L3MBTL2: variants seen among roughly 807,000 people sequenced by gnomAD.
L3MBTL2 encodes L3MBTL histone methyl-lysine binding protein 2.
A neutral mutation model predicts 86.4 loss-of-function variants in L3MBTL2; 49 were observed. The ratio of observed to expected loss-of-function variants is 0.57; its 90% CI spans 0.45 to 0.72. L3MBTL2 has a LOEUF of 0.72. Ranked by LOEUF, L3MBTL2 falls within the 30% of genes least tolerant of loss-of-function variation. L3MBTL2 has a pLI of 0.00. For missense variants in L3MBTL2, 755 were observed against 923.7 expected (o/e 0.82, Z 2.37); for synonymous variants, 336 against 350.6 (o/e 0.96, Z 0.47).
At chr22:41,226,031 C>T (rs1345371910) in intron 12 of L3MBTL2, 90 bp downstream of exon 12, 24 of 1,434,468 alleles carry the variant, frequency 1.7e-5, no homozygotes, top group Non-Finnish European at 2.0e-5. Context: ...AATCCTAGCA[C>T]TTTGGGAGGC....
intron 2 of L3MBTL2, among the ~76,000 whole-genome samples, chr22:41,210,218 C>T (rs1019982500): frequency 6.9e-6 from 1 of 145,444 alleles, no homozygotes; most frequent in Non-Finnish European, 1.5e-5. Flanking sequence ...GGCATGATCT[C>T]GGCTCACTGC....
intron 2 of L3MBTL2, among the ~76,000 whole-genome samples, chr22:41,211,856 CTTTTTT>C (rs35869187): frequency 4.4e-5 from 3 of 67,904 alleles, no homozygotes; most frequent in African/African-American, 7.4e-5. Flanking sequence ...CGCACCCGGC[CTTTTTT>C]TTTTTTTTTT....
In L3MBTL2 at chr22:41,227,502, T is replaced by C. The variant is rs2032269187; in HGVS notation, c.1822+179T>C. On this transcript the variant is annotated intron_variant, in intron 14 of 16. Transcript: ENST00000216237. This position sits in a 1 kb window ranked among gnomAD's most constrained non-coding sequence, Gnocchi z 6.0. The stretch of plus-strand genomic sequence containing the variant: ...CTGCTCCTGACTTCTCTGTCTCCCT[T>C]TCCCTCTGGCCTGCAGAGCTCCTTC... The C allele has an allele frequency of 1.5e-6, 2 of 1,340,324 alleles. No individual in the cohort carries two copies. The highest frequency in any genetic ancestry group is 2.9e-5 in the African/African-American group (2 of 68,878). 83.0% of individuals were successfully genotyped at this position (1,340,324 alleles called of 1,614,324 possible). A position where few individuals can be genotyped will look rare whatever the true frequency, so the allele number is the denominator to read the frequency against.
At chr22:41,219,201 C>T (rs2031628011) in intron 5 of L3MBTL2, 3 of 466,460 alleles carry the variant, frequency 6.4e-6, no homozygotes, top group Middle Eastern at 6.3e-4. Flanking sequence ...GGGTCTCTAG[C>T]CATCACCCTG....
chr22:41,219,420 T>C lies in L3MBTL2; in HGVS notation c.602T>C (p.Val201Ala), dbSNP rs1245107221. ...KAAPVSCFKH[V>A]PLYDQWEDVM... is the part of the protein sequence containing the mutation. ...CGGTACACTCTCATCGCCACACAGG[T>C]CCCACTCTATGACCAGTGGGAGGAT... The change falls in exon 6 of 17, where the codon GTC becomes GCC. Residue 201 changes from valine (V) to alanine (A), a missense_variant and splice_region_variant. Transcript: ENST00000216237. 1 of 1,609,594 alleles carries C rather than the reference T, an allele frequency of 6.2e-7. No individual in the cohort carries two copies. Among genetic ancestry groups the C allele is most frequent in the African/African-American group, 1.3e-5 (1 of 74,806 alleles).
rs1569133000 is a variant in L3MBTL2, at chr22:41,205,374, C to T, written c.12C>T (p.Pro4=). MEK[P]RSIEETPSSE... ...GAAACTGAGGTCTCATGGAGAAGCC[C>T]CGGAGTATTGAGGTGAGAAGGCGAG... The change falls in exon 1 of 17, where the codon CCC becomes CCT. Residue 4 remains proline, a synonymous_variant. Coordinates refer to ENST00000216237, the MANE Select transcript of L3MBTL2 (RefSeq NM_031488.5). 1 of 1,614,166 alleles carries T rather than the reference C, an allele frequency of 6.2e-7. No homozygotes were observed. The highest frequency in any genetic ancestry group is 8.5e-7 in the Non-Finnish European group (1 of 1,180,038).
rs901310052 is a variant in L3MBTL2, at chr22:41,227,785, C to A, written c.1823-19C>A. On this transcript the variant is annotated intron_variant, in intron 14 of 16. Transcript: ENST00000216237. The surrounding 1 kb of genome is among the most constrained non-coding windows in gnomAD (Gnocchi z 6.0). ...GGGACCCTCTTCTCATCTCTTTCAC[C>A]CTTGTCTTTCAACAACAGAACCGGC... 1.9e-6 allele frequency: 3 copies of A among 1,613,584 alleles called. No individual in the cohort carries two copies. The highest frequency in any genetic ancestry group is 2.7e-5 in the African/African-American group (2 of 74,902).
At chr22:41,219,388 ACT>A (rs1569144974) in intron 5 of L3MBTL2, 29 bp from the exon 6 acceptor site, 15 of 1,523,658 alleles carry the variant, frequency 9.8e-6, no homozygotes, top group Non-Finnish European at 1.4e-5. Flanking sequence ...CAGTTAGCTC[ACT>A]CTCTCGGTAC....
chr22:41,229,852 C>A (rs2032462556), intron 16 of L3MBTL2, 196 bp downstream of exon 16: 1 of 932,398 alleles, frequency 1.1e-6, no homozygotes, highest in Non-Finnish European at 1.7e-6. Flanking sequence ...CTGAGTCCCC[C>A]TCTAGCCCGG....
intron 3 of L3MBTL2, among the ~76,000 whole-genome samples, chr22:41,214,878 T>G (rs1468551111): frequency 6.6e-6 from 1 of 152,048 alleles, no homozygotes; most frequent in Non-Finnish European, 1.5e-5. Flanking sequence ...AGGCGTGGTG[T>G]TGTACGCCTG....
intron 8 of L3MBTL2, 93 bp from the exon 9 acceptor site, chr22:41,223,927 A>G (rs2032005527): frequency 1.0e-6 from 1 of 1,000,614 alleles, no homozygotes; most frequent in African/African-American, 1.6e-5. Flanking sequence ...GGGGGATAAC[A>G]CCACACCTTC....
intron 15 of L3MBTL2, chr22:41,228,237 G>A (rs1251161774): frequency 4.1e-6 from 4 of 985,302 alleles, no homozygotes; most frequent in South Asian, 4.7e-5. Flanking sequence ...GCCACAGGAA[G>A]AAATAGAAGC....
At chr22:41,206,575 G>C (rs1185997883) in intron 1 of L3MBTL2, among the ~76,000 whole-genome samples, 2 of 152,048 alleles carry the variant, frequency 1.3e-5, no homozygotes, top group African/African-American at 2.4e-5. Flanking sequence ...GAGGCGGGCA[G>C]ATCACGAGGT....
chr22:41,216,895 A>C, intron 4 of L3MBTL2: 1 of 489,290 alleles, frequency 2.0e-6, no homozygotes, highest in South Asian at 2.8e-5. Flanking sequence ...ATGTTCCTCT[A>C]CTCCTGAGAG....
chr22:41,216,866 G>T (rs2031412740), intron 4 of L3MBTL2, among the ~76,000 whole-genome samples: 1 of 152,210 alleles, frequency 6.6e-6, no homozygotes, highest in Non-Finnish European at 1.5e-5. Context: ...GGGAAGAAGG[G>T]CGAGAAATTT....
intron 1 of L3MBTL2, chr22:41,209,140 G>C (rs2030501848): frequency 6.9e-6 from 1 of 144,394 alleles, no homozygotes; most frequent in African/African-American, 2.6e-5. Flanking sequence ...GTCTTGCTCT[G>C]TCACGCAGAC....
At chr22:41,205,487 G>C in intron 1 of L3MBTL2, 101 bp downstream of exon 1, 1 of 1,380,994 alleles carries the variant, frequency 7.2e-7, no homozygotes, top group Non-Finnish European at 1.0e-6. Flanking sequence ...GAGGGTGGAG[G>C]GTGGGAGGAT....
Position 41,221,324 on chromosome 22 carries a change from G to A in L3MBTL2, c.942+37G>A, listed in dbSNP as rs944839080. On this transcript the variant is annotated intron_variant, in intron 8 of 16. Coordinates refer to ENST00000216237, the MANE Select transcript of L3MBTL2 (RefSeq NM_031488.5). The stretch of plus-strand genomic sequence containing the variant: ...GCCCTTAACTGATGTGCCTCCTTCC[G>A]CTCTTCCATTTTTCTGCATCCTGCA... 81 of 1,506,956 alleles carry A rather than the reference G, an allele frequency of 5.4e-5. No individual in the cohort carries two copies. The Admixed American group carries it at 7.5e-4, about 14-fold the overall frequency. 93.3% of individuals were successfully genotyped at this position (1,506,956 alleles called of 1,614,324 possible).
At position 41,231,166 on chromosome 22, in the gene L3MBTL2, C is replaced by G. The variant is rs2032570350; in HGVS notation, c.*915C>G. 6.6e-6 allele frequency: 1 copy of G among 152,242 alleles called. No homozygotes were observed. The highest frequency in any genetic ancestry group is 1.5e-5 in the Non-Finnish European group (1 of 68,058). 9.4% of individuals were successfully genotyped at this position (152,242 alleles called of 1,614,324 possible). On this transcript the variant is annotated 3_prime_UTR_variant, in exon 17 of 17. Coordinates refer to ENST00000216237, the MANE Select transcript of L3MBTL2 (RefSeq NM_031488.5). ...CTGGAGGGGCCGTGAACACAGAACC[C>G]TCAAGACAAGGATGACAGAGCTGGA... is the stretch of plus-strand genomic sequence containing the variant.
Sources: gnomAD v4.1 joint callset for allele counts (sites outside exome capture counted in the v4.1 genomes callset) on GRCh38, gnomAD v4.1.1 for gene constraint, Gnocchi (gnomAD v3.1) non-coding constraint, MANE v1.5 for transcripts, NCBI Gene and HGNC (gene_info 2026-07-23, HGNC 2026-07-21) for gene names.